STPG2: variants seen among roughly 807,000 people sequenced by gnomAD.
STPG2 encodes sperm-tail PG-rich repeat-containing protein 2.
In STPG2, 56 loss-of-function variants were observed where a neutral mutation model predicts 54.2. The observed-to-expected ratio is 1.03, with a 90% CI of 0.83 to 1.29. The LOEUF (loss-of-function observed/expected upper bound fraction) is 1.29. Ranked by LOEUF, STPG2 falls within the 50% of genes most tolerant of loss-of-function variation. The pLI, the probability that STPG2 is intolerant of heterozygous loss-of-function variation, is 0.00. For synonymous variants in STPG2, 200 were observed against 181.8 expected, an observed-to-expected ratio of 1.10 and a Z score of -0.81; for missense variants, 596 against 544.9, an observed-to-expected ratio of 1.09 and a Z score of -0.93.
At chr4:97,659,927 T>C (rs1481539530) in intron 10 of STPG2, among the ~76,000 whole-genome samples, 1 of 152,162 alleles carries the variant, frequency 6.6e-6, no homozygotes, top group African/African-American at 2.4e-5. Flanking sequence ...CACAATACAG[T>C]TCCTTCCAGC....
chr4:97,544,690 T>C (rs1235134529), intron 4 of STPG2, among the ~76,000 whole-genome samples: 3 of 152,052 alleles, frequency 2.0e-5, no homozygotes, highest in East Asian at 1.9e-4. Context: ...GTAAAATACA[T>C]ATAAAACACC....
At chr4:97,758,752 G>GA (rs1725805054) in intron 9 of STPG2, among the ~76,000 whole-genome samples, 10 of 151,946 alleles carry the variant, frequency 6.6e-5, no homozygotes, top group Admixed American at 6.6e-4. Context: ...TAAGAAACCA[G>GA]TACATTCTTC....
chr4:97,587,206 C>A (rs1250984985), intron 10 of STPG2, among the ~76,000 whole-genome samples: 4 of 151,814 alleles, frequency 2.6e-5, no homozygotes, highest in Non-Finnish European at 5.9e-5. Flanking sequence ...TATTTACCAT[C>A]ATTTTCCCTC....
chr4:97,612,066 G>A (rs564042056), intron 10 of STPG2, among the ~76,000 whole-genome samples: 4 of 151,626 alleles, frequency 2.6e-5, no homozygotes, highest in African/African-American at 9.6e-5. Context: ...TATATCTGAA[G>A]GTCTTTAAAA....
At chr4:97,519,764 A>G (rs559329237) in intron 4 of STPG2, among the ~76,000 whole-genome samples, 1 of 151,256 alleles carries the variant, frequency 6.6e-6, no homozygotes, top group Admixed American at 6.6e-5. Flanking sequence ...ATTATTTCAG[A>G]AAAAAAAATG....
chr4:97,970,281 C>T (rs1029687905), intron 7 of STPG2, among the ~76,000 whole-genome samples: 2 of 152,168 alleles, frequency 1.3e-5, no homozygotes, highest in Non-Finnish European at 2.9e-5. Flanking sequence ...CTAACAATGA[C>T]TTTCTTCACA....
At chr4:98,070,620 T>A (rs2110107156) in intron 5 of STPG2, among the ~76,000 whole-genome samples, 1 of 152,160 alleles carries the variant, frequency 6.6e-6, no homozygotes, top group South Asian at 2.1e-4. Flanking sequence ...AAACCCATCA[T>A]CTCAGCCCAA....
intron 8 of STPG2, among the ~76,000 whole-genome samples, chr4:97,844,924 A>G (rs1728904631): frequency 6.6e-6 from 1 of 151,918 alleles, no homozygotes; most frequent in African/African-American, 2.4e-5. Flanking sequence ...TTAATTAATT[A>G]TGTCTTCTGC....
intron 9 of STPG2, among the ~76,000 whole-genome samples, chr4:97,722,732 G>GTTTT (rs2149017268): frequency 6.6e-6 from 1 of 150,860 alleles, no homozygotes; most frequent in South Asian, 2.1e-4. Flanking sequence ...ATTTTCTTTT[G>GTTTT]GGATATCTTG....
At chr4:97,475,707 T>C (rs971861930) in intron 4 of STPG2, among the ~76,000 whole-genome samples, 40 of 152,240 alleles carry the variant, frequency 2.6e-4, no homozygotes, top group African/African-American at 9.6e-4. Flanking sequence ...TGCTCTCCCC[T>C]AACATACCAT....
At chr4:97,843,861 A>G (rs1366017083) in intron 8 of STPG2, among the ~76,000 whole-genome samples, 1 of 151,932 alleles carries the variant, frequency 6.6e-6, no homozygotes, top group Non-Finnish European at 1.5e-5. Flanking sequence ...TAACTCACTT[A>G]AAACTCAAGC....
At chr4:98,018,984 T>C (rs1301222783) in intron 5 of STPG2, among the ~76,000 whole-genome samples, 1 of 151,826 alleles carries the variant, frequency 6.6e-6, no homozygotes, top group East Asian at 1.9e-4. Flanking sequence ...TTCACTCTGA[T>C]GGTAGTTTCT....
chr4:97,868,475 A>C (rs182448947), intron 8 of STPG2, among the ~76,000 whole-genome samples: 1 of 151,998 alleles, frequency 6.6e-6, no homozygotes, highest in East Asian at 1.9e-4. Flanking sequence ...TAGAGGTAGC[A>C]TAAGTTAAGA....
intron 7 of STPG2, among the ~76,000 whole-genome samples, chr4:97,970,225 C>G (rs1337110596): frequency 6.6e-6 from 1 of 152,152 alleles, no homozygotes; most frequent in Non-Finnish European, 1.5e-5. Context: ...TGAAAATGGC[C>G]ATACTGACCA....
At chr4:97,860,628 G>C (rs1010312061) in intron 8 of STPG2, among the ~76,000 whole-genome samples, 3 of 151,898 alleles carry the variant, frequency 2.0e-5, no homozygotes, top group Admixed American at 2.0e-4. Flanking sequence ...CACTGATTTT[G>C]TATACTGAAA....
chr4:97,930,318 A>T (rs113532381), intron 8 of STPG2, among the ~76,000 whole-genome samples: 3 of 152,330 alleles, frequency 2.0e-5, no homozygotes, highest in African/African-American at 7.2e-5. Context: ...TGGGTTGCAC[A>T]TGTAAGTCTT....
chr4:97,455,670 C>T (rs746819861), intron 4 of STPG2, among the ~76,000 whole-genome samples: 11 of 152,200 alleles, frequency 7.2e-5, no homozygotes, highest in Non-Finnish European at 8.8e-5. Flanking sequence ...TGATATAATT[C>T]TTCCAGTACA....
At chr4:97,783,914 G>C (rs1726736520) in intron 9 of STPG2, among the ~76,000 whole-genome samples, 1 of 151,822 alleles carries the variant, frequency 6.6e-6, no homozygotes, top group South Asian at 2.1e-4. Context: ...ACTGCGGCCA[G>C]TCATGGGGTG....
chr4:97,660,302 T>C (rs1353805464), intron 10 of STPG2, among the ~76,000 whole-genome samples: 1 of 152,170 alleles, frequency 6.6e-6, no homozygotes, highest in Non-Finnish European at 1.5e-5. Flanking sequence ...CGCCGGCCTG[T>C]AGATGAATCT....
Sources: allele counts gnomAD v4.1 joint callset (sites outside exome capture counted in the v4.1 genomes callset), GRCh38; gene constraint gnomAD v4.1.1; transcripts MANE v1.5; gene names NCBI Gene and HGNC (gene_info 2026-07-23, HGNC 2026-07-21).